CSMD1: variants seen among roughly 807,000 people sequenced by gnomAD.
CSMD1 encodes the protein CUB and Sushi multiple domains 1.
In CSMD1, 213 loss-of-function variants were observed where a neutral mutation model predicts 417.5. The observed-to-expected ratio is 0.51, with a 90% CI of 0.46 to 0.57. The LOEUF is 0.57. Among genes scored for constraint, CSMD1 ranks in the 20% least tolerant of loss-of-function variants. CSMD1 has a pLI of 0.00. For synonymous variants in CSMD1, 2,862 were observed against 1,736.8 expected, an observed-to-expected ratio of 1.65 and a Z score of -16.11; for missense variants, 6,923 against 4,529.7, an observed-to-expected ratio of 1.53 and a Z score of -15.17.
intron 1 of CSMD1, among the ~76,000 whole-genome samples, chr8:4,779,595 G>C (rs939079813): frequency 3.9e-5 from 6 of 152,210 alleles, no homozygotes; most frequent in Non-Finnish European, 8.8e-5. Context: ...AGGAACACAG[G>C]AAGCATTAGC....
At chr8:4,930,622 T>G (rs191301191) in intron 1 of CSMD1, among the ~76,000 whole-genome samples, 1 of 152,250 alleles carries the variant, frequency 6.6e-6, no homozygotes, top group Non-Finnish European at 1.5e-5. Flanking sequence ...ATCACCTGTC[T>G]CTCCAAAGAC....
At chr8:4,202,958 G>C (rs913829670) in intron 3 of CSMD1, among the ~76,000 whole-genome samples, 10 of 152,082 alleles carry the variant, frequency 6.6e-5, no homozygotes, top group African/African-American at 2.4e-4. Flanking sequence ...GCAGTTGTGG[G>C]AGGAGAACGA....
At position 4,637,291 on chromosome 8, in the gene CSMD1, A is replaced by T. The variant is rs1186370641; in HGVS notation, c.302+51T>A. 1.4e-6 allele frequency: 2 copies of T among 1,397,422 alleles called. 1 individual carries two copies. The highest frequency in any genetic ancestry group is 2.4e-5 in the South Asian group (2 of 82,252). 86.6% of individuals were successfully genotyped at this position (1,397,422 alleles called of 1,614,324 possible). A position where few individuals can be genotyped will look rare whatever the true frequency, so the allele number is the denominator to read the frequency against. ...TTAAATATTCCAACTAGATTTCATAATCTGTGTATTCAAACAGTGCTAACT... is the reference window on the plus strand; with the variant it reads ...TTAAATATTCCAACTAGATTTCATATTCTGTGTATTCAAACAGTGCTAACT... On this transcript the variant is annotated intron_variant, in intron 2 of 69. Coordinates refer to ENST00000635120, the MANE Select transcript of CSMD1 (RefSeq NM_033225.6).
At chr8:4,626,804 G>C (rs1472591308) in intron 2 of CSMD1, among the ~76,000 whole-genome samples, 1 of 152,104 alleles carries the variant, frequency 6.6e-6, no homozygotes, top group East Asian at 1.9e-4. Context: ...GCAGAGTTCT[G>C]AATTCTGTTC....
At chr8:3,086,984 T>G (rs1457782226) in intron 49 of CSMD1, 113 bp downstream of exon 49, 2 of 983,416 alleles carry the variant, frequency 2.0e-6, no homozygotes, top group African/African-American at 3.2e-5. Flanking sequence ...AAGCCAACAT[T>G]CAATTTTTCC....
At chr8:3,144,939 G>C (rs1234805399) in intron 40 of CSMD1, among the ~76,000 whole-genome samples, 1 of 152,032 alleles carries the variant, frequency 6.6e-6, no homozygotes, top group Non-Finnish European at 1.5e-5. Context: ...ATCCAGATCT[G>C]CTTGTCCACT....
At chr8:4,002,263 T>G (rs563889871) in intron 4 of CSMD1, among the ~76,000 whole-genome samples, 2 of 151,732 alleles carry the variant, frequency 1.3e-5, no homozygotes, top group Admixed American at 1.3e-4. Flanking sequence ...ATGTGTGTGT[T>G]TGTGTTTGAA....
chr8:4,081,099 T>C (rs535854436), intron 3 of CSMD1, among the ~76,000 whole-genome samples: 49 of 152,286 alleles, frequency 3.2e-4, no homozygotes, highest in African/African-American at 8.2e-4. Context: ...AGCAGAGAGA[T>C]TGGACTGCTT....
intron 3 of CSMD1, among the ~76,000 whole-genome samples, chr8:4,124,132 G>A (rs979690938): frequency 2.0e-5 from 3 of 152,126 alleles, no homozygotes; most frequent in Non-Finnish European, 4.4e-5. Context: ...AAGAAGTCAA[G>A]TGATGAATGT....
chr8:3,965,947 T>A (rs976939211), intron 5 of CSMD1, among the ~76,000 whole-genome samples: 1 of 152,206 alleles, frequency 6.6e-6, no homozygotes, highest in Non-Finnish European at 1.5e-5. Context: ...AAATAAGAAC[T>A]GTCAAGGTCT....
At chr8:3,098,560 A>G (rs77207280) in intron 46 of CSMD1, among the ~76,000 whole-genome samples, 2,180 of 152,326 alleles carry the variant, frequency 0.014, 44 homozygotes, top group African/African-American at 0.05. Flanking sequence ...ATTAATGGCA[A>G]TAATATAAAC....
chr8:3,079,722 C>T (rs1265162861), intron 49 of CSMD1, among the ~76,000 whole-genome samples: 1 of 151,970 alleles, frequency 6.6e-6, no homozygotes, highest in African/African-American at 2.4e-5. Flanking sequence ...CATCATGTTT[C>T]GGGGGTGAAT....
chr8:3,319,042 A>G (rs1805972937), intron 23 of CSMD1, among the ~76,000 whole-genome samples: 1 of 152,208 alleles, frequency 6.6e-6, no homozygotes, highest in Non-Finnish European at 1.5e-5. Context: ...CTTACACAGA[A>G]TGGAATTTGA....
chr8:4,587,112 T>C (rs777311876), intron 2 of CSMD1, among the ~76,000 whole-genome samples: 2 of 152,146 alleles, frequency 1.3e-5, no homozygotes, highest in Non-Finnish European at 2.9e-5. Context: ...CAGAGGCCAA[T>C]AGATTAGGTG....
chr8:4,036,762 T>C (rs558290805), intron 3 of CSMD1, among the ~76,000 whole-genome samples: 1 of 152,324 alleles, frequency 6.6e-6, no homozygotes, highest in African/African-American at 2.4e-5. Flanking sequence ...GGTCCTCAAA[T>C]AGCACTGTTG....
intron 21 of CSMD1, among the ~76,000 whole-genome samples, chr8:3,358,156 C>G (rs1430156529): frequency 2.6e-5 from 4 of 152,128 alleles, no homozygotes; most frequent in Admixed American, 2.6e-4. Context: ...TAAATTTTAT[C>G]TTCAGACCTT....
At chr8:4,261,257 C>T (rs970977608) in intron 3 of CSMD1, among the ~76,000 whole-genome samples, 1 of 152,100 alleles carries the variant, frequency 6.6e-6, no homozygotes, top group African/African-American at 2.4e-5. Context: ...TCAAAAAGAA[C>T]GCCTGTTTTC....
At position 3,191,533 on chromosome 8, in the gene CSMD1, A is replaced by T. The variant is rs112713631; in HGVS notation, c.5195-1418T>A. Among the ~76,000 whole-genome samples, 581 of 152,282 alleles carry T rather than the reference A, an allele frequency of 3.8e-3. 4 individuals are homozygous for T. The highest frequency in any genetic ancestry group is 0.013 in the African/African-American group (560 of 41,564). On this transcript the variant is annotated intron_variant, in intron 33 of 69. Transcript: ENST00000635120. ...ACTTTCCTAGGTTCTGTAAAATGGGAGGCCTTCATTGTTGCAGCAAGCAAA... is the reference window on the plus strand; with the variant it reads ...ACTTTCCTAGGTTCTGTAAAATGGGTGGCCTTCATTGTTGCAGCAAGCAAA...
intron 2 of CSMD1, among the ~76,000 whole-genome samples, chr8:4,499,472 C>G (rs1432013251): frequency 6.6e-6 from 1 of 152,176 alleles, no homozygotes; most frequent in African/African-American, 2.4e-5. Flanking sequence ...TTCTGAAGGT[C>G]CTGCTTGGTA....
Sources: allele counts gnomAD v4.1 joint callset (sites outside exome capture counted in the v4.1 genomes callset), GRCh38; gene constraint gnomAD v4.1.1; transcripts MANE v1.5; gene names NCBI Gene and HGNC (gene_info 2026-07-23, HGNC 2026-07-21).